The following NCR1 variants were observed in gnomAD, a reference collection of about 807,000 sequenced individuals.
NCR1 encodes natural cytotoxicity triggering receptor 1, also known as NK cell-activating receptor.
A neutral mutation model predicts 32.5 loss-of-function variants in NCR1; 30 were observed. That is an observed-to-expected ratio of 0.92 (90% CI 0.69 to 1.25). The LOEUF (loss-of-function observed/expected upper bound fraction) is 1.25. Among genes scored for constraint, NCR1 ranks in the 50% most tolerant of loss-of-function variants. NCR1 has a pLI of 0.00. For missense variants in NCR1, 369 were observed against 380.7 expected (o/e 0.97, Z 0.26); for synonymous variants, 169 against 143.4 (o/e 1.18, Z -1.28).
downstream of NCR1, among the ~76,000 whole-genome samples, chr19:54,914,195 T>G (rs2068085856): frequency 6.6e-6 from 1 of 150,432 alleles, no homozygotes; most frequent in Non-Finnish European, 1.5e-5. Flanking sequence ...TTTTGTTTGT[T>G]TTGTTGGGAC....
the NCR1 span, among the ~76,000 whole-genome samples, chr19:54,926,128 T>C: frequency 6.6e-6 from 1 of 151,882 alleles, no homozygotes; most frequent in Admixed American, 6.6e-5. Flanking sequence ...TAAGGGAGCA[T>C]CTGTAGGACG....
At chr19:54,937,774 G>A in the NCR1 span, among the ~76,000 whole-genome samples, 1 of 151,772 alleles carries the variant, frequency 6.6e-6, no homozygotes, top group Non-Finnish European at 1.5e-5. Flanking sequence ...GCACATGCCT[G>A]TAATCCCAGC....
chr19:54,906,312 T>A lies in NCR1; in HGVS notation c.48T>A (p.Ser16Arg). The A allele has an allele frequency of 6.2e-7, 1 of 1,613,892 alleles. No homozygotes were observed. The highest frequency in any genetic ancestry group is 2.2e-5 in the East Asian group (1 of 44,872). ...PALLCVGLCL[S>R]QRISAQQQTL... ...CCCGTCTTCCAGGGCTGTGTCTGAG[T>A]CAGAGGATCAGCGCCCAGCAGCGTG... Residue 16 changes from serine (S) to arginine (R), a missense_variant, in exon 2 of 7, where the codon AGT becomes AGA. Transcript: ENST00000291890.
At chr19:54,900,033 T>C in the NCR1 span, among the ~76,000 whole-genome samples, 2 of 152,152 alleles carry the variant, frequency 1.3e-5, no homozygotes, top group East Asian at 3.9e-4. Flanking sequence ...AAGAGGCTGC[T>C]TACTGGATTT....
At chr19:54,903,913 G>A (rs587658994), upstream of NCR1, among the ~76,000 whole-genome samples, 6 of 151,634 alleles carry the variant, frequency 4.0e-5, no homozygotes, top group South Asian at 4.2e-4. Flanking sequence ...TTCACTTGAG[G>A]TGAGGAGTTG....
the NCR1 span, chr19:54,938,185 A>G: frequency 1.9e-6 from 3 of 1,613,944 alleles, no homozygotes; most frequent in African/African-American, 2.7e-5. Flanking sequence ...ATCTGTCCAG[A>G]GGCGAAGAGA....
At chr19:54,903,348 ATG>A (rs1569535514), upstream of NCR1, among the ~76,000 whole-genome samples, 3,267 of 121,194 alleles carry the variant, frequency 0.027, 119 homozygotes, top group African/African-American at 0.097. Flanking sequence ...ATATACATAT[ATG>A]CATATATACA....
downstream of NCR1, among the ~76,000 whole-genome samples, chr19:54,916,317 C>CTTTTTGTTTTTTTTTTTTT (rs2068131007): frequency 1.1e-5 from 1 of 87,124 alleles, no homozygotes; most frequent in African/African-American, 4.5e-5. Context: ...GAATATTGTG[C>CTTTTTGTTTTTTTTTTTTT]TTTTTTTTTT....
At chr19:54,909,969 C>T (rs763134188) in intron 4 of NCR1, 49 bp from the exon 5 acceptor site, 23 of 1,458,572 alleles carry the variant, frequency 1.6e-5, no homozygotes, top group Non-Finnish European at 1.5e-5. Flanking sequence ...ATGGCAAGAC[C>T]GGAGGAAACC....
At chr19:54,920,579 C>T (rs1390512330), downstream of NCR1, among the ~76,000 whole-genome samples, 1 of 152,142 alleles carries the variant, frequency 6.6e-6, no homozygotes, top group East Asian at 1.9e-4. Context: ...GTAATCCCAG[C>T]ACTTTGGGAA....
chr19:54,919,341 G>A (rs1343069469), downstream of NCR1, among the ~76,000 whole-genome samples: 1 of 152,236 alleles, frequency 6.6e-6, no homozygotes, highest in Non-Finnish European at 1.5e-5. Context: ...GAAGGGGCAG[G>A]GTAAAGAGTG....
chr19:54,904,807 C>T (rs1441289647), upstream of NCR1, among the ~76,000 whole-genome samples: 5 of 152,184 alleles, frequency 3.3e-5, no homozygotes, highest in Admixed American at 3.3e-4. Context: ...GCTGGGATGA[C>T]AGGCCTGAGC....
At chr19:54,915,215 G>A (rs1348734716), downstream of NCR1, among the ~76,000 whole-genome samples, 2 of 152,014 alleles carry the variant, frequency 1.3e-5, no homozygotes, top group Non-Finnish European at 2.9e-5. Flanking sequence ...GGGGTTCTCG[G>A]GAAATATATA....
At chr19:54,912,579 A>G in intron 6 of NCR1, 111 bp from the exon 7 acceptor site, 2 of 886,902 alleles carry the variant, frequency 2.3e-6, no homozygotes, top group Non-Finnish European at 3.2e-6. Flanking sequence ...AGCCTGGGCG[A>G]CAAGACTGAG....
the NCR1 span, among the ~76,000 whole-genome samples, chr19:54,927,317 G>A: frequency 6.6e-6 from 1 of 151,162 alleles, no homozygotes; most frequent in South Asian, 2.1e-4. Flanking sequence ...GGAGGTGGGG[G>A]TTGCAGTGAG....
chr19:54,938,008 T>G, the NCR1 span: 1 of 1,522,372 alleles, frequency 6.6e-7, no homozygotes, highest in Non-Finnish European at 9.1e-7. Context: ...TTAGTCATCG[T>G]TCAGGGTCTT....
downstream of NCR1, among the ~76,000 whole-genome samples, chr19:54,915,415 C>T (rs2068112648): frequency 6.6e-6 from 1 of 152,054 alleles, no homozygotes; most frequent in South Asian, 2.1e-4. Context: ...TCATGCCGGT[C>T]AAATTTATTC....
the NCR1 span, among the ~76,000 whole-genome samples, chr19:54,925,554 C>T: frequency 4.5e-4 from 69 of 152,194 alleles, no homozygotes; most frequent in East Asian, 0.012. Flanking sequence ...GCCTGCAATC[C>T]GGGTACTTTG....
intron 5 of NCR1, among the ~76,000 whole-genome samples, chr19:54,910,944 TG>T (rs1488319639): frequency 6.6e-6 from 1 of 152,156 alleles, no homozygotes; most frequent in African/African-American, 2.4e-5. Context: ...GCCTGTGCCC[TG>T]GGGCAGGAAG....
Sources: allele counts gnomAD v4.1 joint callset (sites outside exome capture counted in the v4.1 genomes callset), GRCh38; gene constraint gnomAD v4.1.1; transcripts MANE v1.5; gene names NCBI Gene and HGNC (gene_info 2026-07-23, HGNC 2026-07-21).